Variants in PALLD observed in about 807,000 individuals in gnomAD.
The protein encoded by PALLD is palladin, cytoskeletal associated protein.
PALLD carries 61 observed loss-of-function variants against 123.5 expected under a neutral mutation model. That is an observed-to-expected ratio of 0.49 (90% confidence interval 0.40 to 0.61). The LOEUF (loss-of-function observed/expected upper bound fraction) is 0.61, where lower values mean the gene tolerates loss of function less well. Ranked by LOEUF, PALLD falls within the 20% of genes least tolerant of loss-of-function variation. PALLD has a pLI of 0.00. For missense variants in PALLD, 1,273 were observed against 1,377.0 expected, an observed-to-expected ratio of 0.92 and a Z score of 1.20; for synonymous variants, 465 against 496.4, an observed-to-expected ratio of 0.94 and a Z score of 0.84.
chr4:168,631,554 T>A (rs918302768), intron 2 of PALLD: 2 of 952,692 alleles, frequency 2.1e-6, no homozygotes, highest in Non-Finnish European at 2.5e-6. Flanking sequence ...CCTCTCCCCC[T>A]CCCCAGCAGC....
intron 10 of PALLD, among the ~76,000 whole-genome samples, chr4:168,797,667 G>T (rs1738701671): frequency 6.6e-6 from 1 of 152,078 alleles, no homozygotes; most frequent in Admixed American, 6.5e-5. Flanking sequence ...AGTTTGCTTG[G>T]CAAGGTCAAA....
At chr4:168,588,196 T>C (rs966321611) in intron 2 of PALLD, among the ~76,000 whole-genome samples, 1 of 152,088 alleles carries the variant, frequency 6.6e-6, no homozygotes, top group Non-Finnish European at 1.5e-5. Flanking sequence ...CCAGGATCAC[T>C]GTGAGCCCTG....
At chr4:168,861,289 A>AAC (rs1211611252) in intron 10 of PALLD, among the ~76,000 whole-genome samples, 8 of 151,768 alleles carry the variant, frequency 5.3e-5, no homozygotes, top group South Asian at 2.1e-4. Context: ...TAAAAAAAAA[A>AAC]AACTAAGTAA....
At chr4:168,876,586 A>G (rs963252342) in intron 10 of PALLD, among the ~76,000 whole-genome samples, 4 of 152,244 alleles carry the variant, frequency 2.6e-5, no homozygotes, top group African/African-American at 9.6e-5. Flanking sequence ...GACACAGGAC[A>G]GAGTTTAGAA....
In PALLD at chr4:168,794,034, G is replaced by A. The variant is rs1390278563; in HGVS notation, c.1964+82111G>A. ...TCTGGCTGTCCCCAGCTTTCTAGGG[G>A]CTGTTTCTCCTCTAGGTGCAGTGGC... On this transcript the variant is annotated intron_variant, in intron 10 of 21. Transcript: ENST00000505667. Among the ~76,000 whole-genome samples the A allele has an allele frequency of 3.3e-5, 5 of 152,138 alleles. No individual in the cohort carries two copies. The South Asian group carries it at 1.0e-3, about 32-fold the overall frequency.
rs111873583 is a variant in PALLD at position 168,819,812 on chromosome 4, A to G, written c.1965-71110A>G. Among the ~76,000 whole-genome samples the G allele has an allele frequency of 1.2e-3, 176 of 152,372 alleles. 1 individual carries two copies. Among genetic ancestry groups the G allele is most frequent in the Non-Finnish European group, 1.9e-3 (129 of 68,044 alleles). On this transcript the variant is annotated intron_variant, in intron 10 of 21. Transcript: ENST00000505667. ...TATAGAATTTCCTGTGATGGCTTAT[A>G]ATAACTATTGAGTAATCATAGAATG...
intron 2 of PALLD, among the ~76,000 whole-genome samples, chr4:168,552,668 TTTTTGTTTTG>T (rs755666176): frequency 6.6e-6 from 1 of 151,930 alleles, no homozygotes; most frequent in Admixed American, 6.6e-5. Flanking sequence ...TTCTTGTTTG[TTTTTGTTTTG>T]TTTTGTTTTG....
chr4:168,657,442 A>G (rs1225095253), intron 2 of PALLD, among the ~76,000 whole-genome samples: 1 of 152,182 alleles, frequency 6.6e-6, no homozygotes, highest in Non-Finnish European at 1.5e-5. Flanking sequence ...TATAACCCCA[A>G]ATGAGAGACT....
chr4:168,627,937 A>G (rs1218521483), intron 2 of PALLD, among the ~76,000 whole-genome samples: 2 of 152,250 alleles, frequency 1.3e-5, no homozygotes, highest in African/African-American at 2.4e-5. Flanking sequence ...CTTTTCACCT[A>G]TCAGACTGGC....
At chr4:168,713,623 A>G (rs936949078) in intron 10 of PALLD, among the ~76,000 whole-genome samples, 2 of 152,226 alleles carry the variant, frequency 1.3e-5, no homozygotes, top group African/African-American at 4.8e-5. Context: ...AGGTTAATGT[A>G]TATGGCAAGG....
intron 10 of PALLD, 125 bp from the exon 11 acceptor site, chr4:168,890,797 T>C: frequency 2.1e-6 from 2 of 948,388 alleles, no homozygotes; most frequent in East Asian, 2.4e-5. Flanking sequence ...TTGCAACAGA[T>C]GTAGCATAAA....
At chr4:168,721,968 A>G (rs1786064756) in intron 10 of PALLD, among the ~76,000 whole-genome samples, 1 of 152,200 alleles carries the variant, frequency 6.6e-6, no homozygotes, top group Non-Finnish European at 1.5e-5. Context: ...GCCCCCACCA[A>G]ACAAAACTCT....
chr4:168,838,338 C>T (rs932638165), intron 10 of PALLD, among the ~76,000 whole-genome samples: 5 of 152,106 alleles, frequency 3.3e-5, no homozygotes, highest in Middle Eastern at 3.4e-3. Context: ...AGAAAACAGG[C>T]GGAATCTGGG....
chr4:168,921,590 C>T lies in PALLD; in HGVS notation c.2907C>T (p.Arg969=), dbSNP rs1421753045. The T allele has an allele frequency of 1.2e-6, 2 of 1,609,738 alleles. No individual in the cohort carries two copies. The highest frequency in any genetic ancestry group is 1.4e-5 in the African/African-American group (1 of 73,356). The change falls in exon 18 of 22, where the codon CGC becomes CGT. Residue 969 remains arginine (R), a synonymous_variant. Transcript: ENST00000505667. ...GGCAACTAGATGGAAAGCCCGTACGCCCTGACAGTGCTCACAAGATGCTGG... is the reference window on the plus strand; with the variant it reads ...GGCAACTAGATGGAAAGCCCGTACGTCCTGACAGTGCTCACAAGATGCTGG... ...LSWQLDGKPV[R]PDSAHKMLVR... is the part of the protein sequence containing the mutation.
chr4:168,548,665 A>C (rs566232905), intron 2 of PALLD, among the ~76,000 whole-genome samples: 4 of 152,314 alleles, frequency 2.6e-5, no homozygotes, highest in East Asian at 1.9e-4. Flanking sequence ...AAGTAAGGAG[A>C]GTTGAAGTTC....
intron 10 of PALLD, among the ~76,000 whole-genome samples, chr4:168,744,361 T>C (rs963125192): frequency 6.6e-6 from 1 of 152,194 alleles, no homozygotes; most frequent in African/African-American, 2.4e-5. Flanking sequence ...GCCAGTTCTT[T>C]CTTCTCTGTA....
chr4:168,731,761 G>A (rs2150310150), intron 10 of PALLD, among the ~76,000 whole-genome samples: 1 of 152,302 alleles, frequency 6.6e-6, no homozygotes. Flanking sequence ...CCAATTAGAA[G>A]TTTTTGTTTC....
chr4:168,883,147 AAATAT>A (rs924654894), intron 10 of PALLD, among the ~76,000 whole-genome samples: 2 of 152,210 alleles, frequency 1.3e-5, no homozygotes, highest in African/African-American at 2.4e-5. Context: ...AAAGAACCCA[AAATAT>A]AATATGAGGA....
chr4:168,565,084 T>G (rs1010494921), intron 2 of PALLD, among the ~76,000 whole-genome samples: 71 of 151,090 alleles, frequency 4.7e-4, no homozygotes, highest in African/African-American at 1.6e-3. Flanking sequence ...TCCCAGCTAC[T>G]CAGGAGGCTG....
Sources: allele counts gnomAD v4.1 joint callset (sites outside exome capture counted in the v4.1 genomes callset), GRCh38; gene constraint gnomAD v4.1.1; transcripts MANE v1.5; gene names NCBI Gene and HGNC (gene_info 2026-07-23, HGNC 2026-07-21).